The following RIT2 variants were observed in gnomAD, a reference collection of about 807,000 sequenced individuals.
The protein encoded by RIT2 is GTP-binding protein Rit2.
RIT2 carries 24 observed loss-of-function variants against 23.7 expected under a neutral mutation model. The observed-to-expected ratio is 1.01, with a 90% confidence interval of 0.73 to 1.43. The LOEUF (loss-of-function observed/expected upper bound fraction) is 1.43, where lower values mean the gene tolerates loss of function less well. Among genes scored for constraint, RIT2 ranks in the 40% most tolerant of loss-of-function variants. The pLI, the probability that RIT2 is intolerant of heterozygous loss-of-function variation, is 0.00. For missense variants in RIT2, 236 were observed against 266.9 expected, an observed-to-expected ratio of 0.88 and a Z score of 0.81; for synonymous variants, 107 against 91.1, an observed-to-expected ratio of 1.17 and a Z score of -0.99.
chr18:42,809,260 G>A (rs1002467465), intron 4 of RIT2, among the ~76,000 whole-genome samples: 9 of 152,074 alleles, frequency 5.9e-5, no homozygotes, highest in African/African-American at 9.6e-5. Flanking sequence ...ATAGGGGCAC[G>A]GTTAAAAGAC....
At chr18:43,026,415 G>A (rs1911719215) in intron 2 of RIT2, among the ~76,000 whole-genome samples, 1 of 151,726 alleles carries the variant, frequency 6.6e-6, no homozygotes, top group African/African-American at 2.4e-5. Flanking sequence ...TTAGCTGGGT[G>A]TGGTGGTGCG....
At chr18:43,098,751 T>C (rs1025245659) in intron 1 of RIT2, among the ~76,000 whole-genome samples, 4 of 151,958 alleles carry the variant, frequency 2.6e-5, no homozygotes, top group Non-Finnish European at 5.9e-5. Context: ...TCAACCCCAT[T>C]TGACAGACAA....
chr18:42,920,825 G>A (rs998246972), intron 4 of RIT2: 10 of 1,044,612 alleles, frequency 9.6e-6, no homozygotes, highest in African/African-American at 1.6e-5. Context: ...CTAAACAATA[G>A]CACCAGTGTA....
At chr18:43,013,155 G>A (rs887629253) in intron 2 of RIT2, among the ~76,000 whole-genome samples, 5 of 151,770 alleles carry the variant, frequency 3.3e-5, no homozygotes, top group Non-Finnish European at 7.4e-5. Flanking sequence ...TATTTTGAAA[G>A]GTTGCAACAT....
chr18:42,803,654 A>G (rs1905600563), intron 4 of RIT2, among the ~76,000 whole-genome samples: 1 of 152,226 alleles, frequency 6.6e-6, no homozygotes, highest in Non-Finnish European at 1.5e-5. Context: ...TTTAAGCAGT[A>G]TAAAATAATA....
intron 3 of RIT2, among the ~76,000 whole-genome samples, chr18:42,960,627 T>A (rs1910074582): frequency 6.6e-6 from 1 of 152,158 alleles, no homozygotes; most frequent in South Asian, 2.1e-4. Flanking sequence ...GCCAATGTTT[T>A]TAGCAGTACT....
At chr18:43,026,630 A>AAGAAAGAAAGAAAGAC (rs1555652912) in intron 2 of RIT2, among the ~76,000 whole-genome samples, 2 of 94,484 alleles carry the variant, frequency 2.1e-5, no homozygotes, top group African/African-American at 6.4e-5. Context: ...GAAAGAAAGA[A>AAGAAAGAAAGAAAGAC]AGAAAGAGAG....
At chr18:43,041,008 C>A (rs920521359) in intron 1 of RIT2, among the ~76,000 whole-genome samples, 1 of 151,754 alleles carries the variant, frequency 6.6e-6, no homozygotes, top group Non-Finnish European at 1.5e-5. Flanking sequence ...AACCTACATG[C>A]TAGAAATATA....
At chr18:42,849,854 A>G (rs980310337) in intron 4 of RIT2, among the ~76,000 whole-genome samples, 5 of 152,160 alleles carry the variant, frequency 3.3e-5, no homozygotes, top group African/African-American at 1.2e-4. Context: ...AGCTCAGTCA[A>G]TAAGAGCTGT....
chr18:42,812,579 A>G (rs534587733), intron 4 of RIT2, among the ~76,000 whole-genome samples: 1 of 152,270 alleles, frequency 6.6e-6, no homozygotes, highest in South Asian at 2.1e-4. Flanking sequence ...TACTCCTAGG[A>G]ACTTTCCTCT....
At chr18:42,887,520 C>T (rs991745243) in intron 4 of RIT2, among the ~76,000 whole-genome samples, 1 of 152,108 alleles carries the variant, frequency 6.6e-6, no homozygotes, top group Non-Finnish European at 1.5e-5. Flanking sequence ...CAAAGATGTG[C>T]AGCAACGGGA....
At chr18:42,918,229 C>T (rs1443658311) in intron 4 of RIT2, among the ~76,000 whole-genome samples, 1 of 152,084 alleles carries the variant, frequency 6.6e-6, no homozygotes, top group Non-Finnish European at 1.5e-5. Flanking sequence ...TAAAAAATGA[C>T]AGTAGCGAAA....
chr18:42,763,882 C>T (rs578253494), intron 4 of RIT2, among the ~76,000 whole-genome samples: 1 of 152,234 alleles, frequency 6.6e-6, no homozygotes, highest in East Asian at 1.9e-4. Context: ...CAAACACACA[C>T]ATCAGCCTAG....
chr18:43,019,318 C>T (rs1477464666), intron 2 of RIT2, among the ~76,000 whole-genome samples: 1 of 151,768 alleles, frequency 6.6e-6, no homozygotes, highest in African/African-American at 2.4e-5. Flanking sequence ...TCAAACAGAG[C>T]ACCAAAAAGA....
chr18:42,946,644 T>C (rs1306994073), intron 3 of RIT2, among the ~76,000 whole-genome samples: 1 of 151,988 alleles, frequency 6.6e-6, no homozygotes, highest in Non-Finnish European at 1.5e-5. Context: ...CTTGCCAACT[T>C]TGTTCTTGTT....
chr18:42,765,695 TA>T lies in RIT2; in HGVS notation c.427-21976del, dbSNP rs138059945. 6.8e-3 allele frequency among the ~76,000 whole-genome samples: 1,042 copies of T among 152,352 alleles called. 14 individuals are homozygous for T. The highest frequency in any genetic ancestry group is 0.024 in the African/African-American group (1,011 of 41,578). On this transcript the variant is annotated intron_variant, in intron 4 of 4. Coordinates refer to ENST00000326695, the MANE Select transcript of RIT2 (RefSeq NM_002930.4). ...ATTCTATTATGTATGTTTATATGCA[TA>T]GATGCATAAATGTTTACTTTCATAT...
chr18:42,749,244 TA>T (rs1912989134), intron 4 of RIT2, among the ~76,000 whole-genome samples: 2 of 151,940 alleles, frequency 1.3e-5, no homozygotes, highest in Admixed American at 1.3e-4. Context: ...GAAGAAATTA[TA>T]AAAACATTTT....
intron 4 of RIT2, among the ~76,000 whole-genome samples, chr18:42,854,813 T>C (rs1343774806): frequency 1.3e-5 from 2 of 152,166 alleles, no homozygotes; most frequent in Non-Finnish European, 2.9e-5. Flanking sequence ...ATCAATCCAA[T>C]ACTAGTATGA....
intron 4 of RIT2, among the ~76,000 whole-genome samples, chr18:42,767,268 A>AG (rs960193941): frequency 6.6e-6 from 1 of 152,212 alleles, no homozygotes; most frequent in African/African-American, 2.4e-5. Flanking sequence ...GAAAAGCCAC[A>AG]GGGGCAGAGC....
Sources: allele counts gnomAD v4.1 joint callset (sites outside exome capture counted in the v4.1 genomes callset), GRCh38; gene constraint gnomAD v4.1.1; transcripts MANE v1.5; gene names NCBI Gene and HGNC (gene_info 2026-07-23, HGNC 2026-07-21).